CAMTA1: variants seen among roughly 807,000 people sequenced by gnomAD.
CAMTA1 encodes the protein calmodulin-binding transcription activator 1.
A neutral mutation model predicts 170.9 loss-of-function variants in CAMTA1; 27 were observed. The ratio of observed to expected loss-of-function variants is 0.16; its 90% CI spans 0.12 to 0.22. CAMTA1 has a LOEUF of 0.22. Among genes scored for constraint, CAMTA1 ranks in the 10% least tolerant of loss-of-function variants. The probability of loss-of-function intolerance (pLI) is 1.00; values close to 1 mark genes in which losing one functional copy is unlikely to be tolerated. For missense variants in CAMTA1, 1,619 were observed against 2,217.2 expected (o/e 0.73, Z 5.42); for synonymous variants, 833 against 891.5 (o/e 0.93, Z 1.17).
At chr1:7,241,635 A>G (rs1248206998) in intron 4 of CAMTA1, among the ~76,000 whole-genome samples, 2 of 152,232 alleles carry the variant, frequency 1.3e-5, no homozygotes, top group East Asian at 3.8e-4. Flanking sequence ...AAATAAAATC[A>G]TATGTTTATG....
At chr1:7,536,205 C>G (rs370787742) in intron 6 of CAMTA1, among the ~76,000 whole-genome samples, 1 of 152,202 alleles carries the variant, frequency 6.6e-6, no homozygotes, top group East Asian at 1.9e-4. Context: ...TCATAAAACC[C>G]CACAGCTCCT....
chr1:7,122,568 A>G (rs1644708277), intron 4 of CAMTA1, among the ~76,000 whole-genome samples: 1 of 152,182 alleles, frequency 6.6e-6, no homozygotes, highest in Non-Finnish European at 1.5e-5. Flanking sequence ...TCTGTCCACC[A>G]GCATGCCGTC....
intron 5 of CAMTA1, among the ~76,000 whole-genome samples, chr1:7,445,974 G>C (rs1434695437): frequency 6.6e-6 from 1 of 152,080 alleles, no homozygotes; most frequent in Non-Finnish European, 1.5e-5. Flanking sequence ...GCGTGACCTT[G>C]GACACAGCTG....
In CAMTA1 at chr1:7,547,532, A is replaced by ACTGT. The variant is rs1320067851; in HGVS notation, c.510+79631_510+79632insCTGT. 2.0e-5 allele frequency among the ~76,000 whole-genome samples: 3 copies of ACTGT among 152,128 alleles called. No homozygotes were observed. Among genetic ancestry groups the ACTGT allele is most frequent in the Admixed American group, 2.0e-4 (3 of 15,264 alleles). ...CCCTAAATAAAACAGTATAAGAAAT[A>ACTGT]TTTACATAGCATTTACATTGTTACT... On this transcript the variant is annotated intron_variant, in intron 6 of 22. Coordinates refer to ENST00000303635, the MANE Select transcript of CAMTA1 (RefSeq NM_015215.4). The surrounding 1 kb of genome is among the most constrained non-coding windows in gnomAD (Gnocchi z 5.7).
At chr1:7,271,918 A>G (rs573832485) in intron 5 of CAMTA1, among the ~76,000 whole-genome samples, 2 of 152,304 alleles carry the variant, frequency 1.3e-5, no homozygotes, top group African/African-American at 4.8e-5. Flanking sequence ...TCAAGAAGAA[A>G]CAGAGAATCC....
chr1:7,412,057 T>C lies in CAMTA1; in HGVS notation c.439-55773T>C, dbSNP rs958727974. 6.2e-3 allele frequency among the ~76,000 whole-genome samples: 940 copies of C among 152,144 alleles called. 5 individuals carry two copies. The highest frequency in any genetic ancestry group is 0.022 in the African/African-American group (901 of 41,464). ...GTTTGCTGAGAATGATGATTTCCAG[T>C]TTCATCCATGTCCCTGCAAAGGACA... On this transcript the variant is annotated intron_variant, in intron 5 of 22. Transcript: ENST00000303635.
chr1:7,399,223 C>T (rs116035140), intron 5 of CAMTA1, among the ~76,000 whole-genome samples: 72 of 152,254 alleles, frequency 4.7e-4, no homozygotes, highest in African/African-American at 1.6e-3. Flanking sequence ...AGAGTTCCCC[C>T]AAGAGCTCAT....
intron 4 of CAMTA1, among the ~76,000 whole-genome samples, chr1:7,206,226 A>C (rs1657712377): frequency 1.3e-5 from 2 of 152,204 alleles, no homozygotes; most frequent in Admixed American, 1.3e-4. Flanking sequence ...TAGCTCCATA[A>C]AATTGCATTA....
chr1:7,121,821 A>AG, intron 4 of CAMTA1, among the ~76,000 whole-genome samples: 1 of 152,014 alleles, frequency 6.6e-6, no homozygotes, highest in Non-Finnish European at 1.5e-5. Flanking sequence ...GAGAGCCGCG[A>AG]GGGGGGTGCC....
chr1:7,195,108 G>C lies in CAMTA1; in HGVS notation c.303-54383G>C, dbSNP rs1035630596. Among the ~76,000 whole-genome samples, 1 of 152,114 alleles carries C rather than the reference G, an allele frequency of 6.6e-6. No individual in the cohort carries two copies. Among genetic ancestry groups the C allele is most frequent in the Non-Finnish European group, 1.5e-5 (1 of 68,022 alleles). ...GCCAAACACACAAATAAGCAAACACGCACATAAACCACCAACTAACCCAGC... is the reference window on the plus strand; with the variant it reads ...GCCAAACACACAAATAAGCAAACACCCACATAAACCACCAACTAACCCAGC... On this transcript the variant is annotated intron_variant, in intron 4 of 22. Transcript: ENST00000303635. The surrounding 1 kb of genome is among the most constrained non-coding windows in gnomAD (Gnocchi z 4.1).
intron 5 of CAMTA1, among the ~76,000 whole-genome samples, chr1:7,459,862 T>C (rs1003757156): frequency 6.6e-6 from 1 of 152,276 alleles, no homozygotes; most frequent in Admixed American, 6.5e-5. Flanking sequence ...AGGGAAGGCA[T>C]ACAGAGAGGA....
chr1:7,186,980 A>G (rs548220239), intron 4 of CAMTA1, among the ~76,000 whole-genome samples: 122 of 152,042 alleles, frequency 8.0e-4, no homozygotes, highest in African/African-American at 2.9e-3. Context: ...TCTTCTTAGT[A>G]GGGGGTAATT....
At chr1:7,276,303 A>ATATATATTTTTTTTTTTTTTT in intron 5 of CAMTA1, among the ~76,000 whole-genome samples, 4 of 24,226 alleles carry the variant, frequency 1.7e-4, no homozygotes, top group African/African-American at 3.0e-4. Context: ...ATATATATAT[A>ATATATATTTTTTTTTTTTTTT]TTTTTTTTTT....
intron 5 of CAMTA1, among the ~76,000 whole-genome samples, chr1:7,386,878 CT>C (rs530392848): frequency 2.0e-5 from 3 of 152,230 alleles, no homozygotes; most frequent in Non-Finnish European, 4.4e-5. Flanking sequence ...AAGTCAAGGA[CT>C]TTGGTTCCAT....
intron 5 of CAMTA1, among the ~76,000 whole-genome samples, chr1:7,461,095 A>G (rs1233076171): frequency 6.6e-6 from 1 of 152,162 alleles, no homozygotes; most frequent in African/African-American, 2.4e-5. Context: ...CCCCGCGGGT[A>G]TTATCCTTGC....
At position 7,549,520 on chromosome 1, in the gene CAMTA1, G is replaced by A. The variant is rs962451128; in HGVS notation, c.510+81619G>A. On this transcript the variant is annotated intron_variant, in intron 6 of 22. Coordinates refer to ENST00000303635, the MANE Select transcript of CAMTA1 (RefSeq NM_015215.4). Reference sequence around the variant, plus strand: ...TGGGATGACTCATTTCCTCTCCAATGCCCTGGGGCATTCAGAAAGTCTACT... The same window carrying A: ...TGGGATGACTCATTTCCTCTCCAATACCCTGGGGCATTCAGAAAGTCTACT... Among the ~76,000 whole-genome samples, 7 of 152,248 alleles carry A rather than the reference G, an allele frequency of 4.6e-5. 1 individual carries two copies. Among genetic ancestry groups the A allele is most frequent in the Admixed American group, 3.3e-4 (5 of 15,298 alleles).
At chr1:7,362,059 A>G (rs541705886) in intron 5 of CAMTA1, among the ~76,000 whole-genome samples, 87 of 152,376 alleles carry the variant, frequency 5.7e-4, no homozygotes, top group African/African-American at 2.0e-3. Context: ...ACAGGGCCAG[A>G]AGGCCTAATT....
At chr1:7,345,885 G>T (rs2149841689) in intron 5 of CAMTA1, among the ~76,000 whole-genome samples, 1 of 152,332 alleles carries the variant, frequency 6.6e-6, no homozygotes, top group African/African-American at 2.4e-5. Context: ...AAATACAGCA[G>T]GAGGGAGAGC....
chr1:7,061,041 G>A (rs189839226), intron 3 of CAMTA1, among the ~76,000 whole-genome samples: 5 of 152,212 alleles, frequency 3.3e-5, no homozygotes, highest in Admixed American at 1.3e-4. Flanking sequence ...TCATGAGGTC[G>A]CTGAAGCTGT....
Sources: gnomAD v4.1 joint callset for allele counts (sites outside exome capture counted in the v4.1 genomes callset) on GRCh38, gnomAD v4.1.1 for gene constraint, Gnocchi (gnomAD v3.1) non-coding constraint, MANE v1.5 for transcripts, NCBI Gene and HGNC (gene_info 2026-07-23, HGNC 2026-07-21) for gene names.